The following TXLNB variants were observed in gnomAD, a reference collection of about 807,000 sequenced individuals.
TXLNB encodes taxilin beta.
TXLNB carries 37 observed loss-of-function variants against 57.4 expected under a neutral mutation model. The observed-to-expected ratio is 0.64, with a 90% CI of 0.50 to 0.85. The LOEUF (loss-of-function observed/expected upper bound fraction) is 0.85. TXLNB is among the 40% of genes least tolerant of loss of function. TXLNB has a pLI of 0.00. For missense variants in TXLNB, 848 were observed against 825.6 expected, an observed-to-expected ratio of 1.03 and a Z score of -0.33; for synonymous variants, 302 against 309.6, an observed-to-expected ratio of 0.98 and a Z score of 0.26.
Position 139,288,796 on chromosome 6 carries a change from C to A in TXLNB, c.104G>T (p.Gly35Val), listed in dbSNP as rs747166996. Residue 35 changes from glycine to valine, a missense_variant, in exon 2 of 10, where the codon GGC becomes GTC. Physicochemically the swap from Gly to Val is moderately radical, Grantham distance 109. Transcript: ENST00000358430. The part of the protein sequence containing the change: ...PSHNGLEKED[G>V]QDSPTPVQPP... ...TTGGACTGGGGTTGGAGAATCCTGG[C>A]CATCTTCCTTCTCCAGGCCATTGTG... 5.6e-6 allele frequency: 9 copies of A among 1,614,090 alleles called. No individual in the cohort carries two copies. In the Admixed American group the frequency reaches 8.3e-5, roughly 15 times the overall value.
intron 4 of TXLNB, among the ~76,000 whole-genome samples, chr6:139,267,319 A>C (rs1052579316): frequency 6.6e-6 from 1 of 152,210 alleles, no homozygotes; most frequent in Non-Finnish European, 1.5e-5. Context: ...AAGTATATAA[A>C]TATAATACAT....
chr6:139,294,508 G>T (rs1777355868), upstream of TXLNB, among the ~76,000 whole-genome samples: 1 of 148,386 alleles, frequency 6.7e-6, no homozygotes. Context: ...GAAGTGATTA[G>T]ATTATGAGGG....
At position 139,247,937 on chromosome 6, in the gene TXLNB, T is replaced by G. The variant is rs754109360; in HGVS notation, c.1078-28A>C. On this transcript the variant is annotated intron_variant, in intron 7 of 9. Coordinates refer to ENST00000358430, the MANE Select transcript of TXLNB (RefSeq NM_153235.4). Reference sequence around the variant, plus strand: ...GTAAACAGAGGAAAGAGTGGATCTTTCAGAATACTTCCAGAAGAAAACATG... The same window carrying G: ...GTAAACAGAGGAAAGAGTGGATCTTGCAGAATACTTCCAGAAGAAAACATG... 3.0e-6 allele frequency: 4 copies of G among 1,336,914 alleles called. No individual in the cohort carries two copies. The African/African-American group carries it at 5.9e-5, about 20-fold the overall frequency. The allele number at this position is 1,336,914 out of a possible 1,614,324, so 82.8% of individuals were successfully genotyped here.
the TXLNB span, among the ~76,000 whole-genome samples, chr6:139,317,601 G>A: frequency 1.5e-4 from 23 of 152,036 alleles, no homozygotes; most frequent in Non-Finnish European, 2.8e-4. Flanking sequence ...GGGTTTCACC[G>A]TGTTAGCCAG....
chr6:139,217,013 GAAATA>G, the TXLNB span, among the ~76,000 whole-genome samples: 1 of 152,062 alleles, frequency 6.6e-6, no homozygotes, highest in African/African-American at 2.4e-5. Flanking sequence ...AAAAACTATT[GAAATA>G]AAATAAAAAT....
the TXLNB span, among the ~76,000 whole-genome samples, chr6:139,200,929 C>G: frequency 3.3e-5 from 5 of 152,100 alleles, no homozygotes. Flanking sequence ...GGTCATTTTA[C>G]CTTCCTGGTC....
the TXLNB span, among the ~76,000 whole-genome samples, chr6:139,192,957 C>T: frequency 8.6e-5 from 13 of 150,890 alleles, no homozygotes; most frequent in East Asian, 1.5e-3. Context: ...AGCAAGACTC[C>T]GTCTCAAAAA....
At chr6:139,310,398 T>A in the TXLNB span, among the ~76,000 whole-genome samples, 2 of 152,236 alleles carry the variant, frequency 1.3e-5, no homozygotes, top group Admixed American at 6.5e-5. Flanking sequence ...TCACTAATCA[T>A]AAGGAATGAC....
chr6:139,200,101 A>C, the TXLNB span: 7 of 152,146 alleles, frequency 4.6e-5, no homozygotes, highest in African/African-American at 1.7e-4. Flanking sequence ...ACTCCTTTGA[A>C]GGCCATCCTT....
chr6:139,247,719 G>C, intron 8 of TXLNB, 98 bp downstream of exon 8: 1 of 803,550 alleles, frequency 1.2e-6, no homozygotes, highest in Non-Finnish European at 2.0e-6. Context: ...TTTGTGAAAT[G>C]CACCAAAATA....
chr6:139,272,897 A>AG (rs775268519), intron 3 of TXLNB, among the ~76,000 whole-genome samples: 9 of 151,926 alleles, frequency 5.9e-5, no homozygotes, highest in Non-Finnish European at 1.0e-4. Flanking sequence ...AGCTGAGCCT[A>AG]GGGGCGGGTG....
the TXLNB span, among the ~76,000 whole-genome samples, chr6:139,234,879 A>G: frequency 1.3e-5 from 2 of 152,242 alleles, no homozygotes; most frequent in Admixed American, 6.5e-5. Context: ...ACTCAATGCT[A>G]GCCCATGAAA....
the TXLNB span, among the ~76,000 whole-genome samples, chr6:139,316,567 T>C: frequency 2.6e-5 from 4 of 152,372 alleles, no homozygotes; most frequent in South Asian, 6.2e-4. Context: ...CAAGACCCTG[T>C]TGCAGTGGTC....
the TXLNB span, chr6:139,170,410 T>G: frequency 6.6e-6 from 1 of 152,232 alleles, no homozygotes; most frequent in East Asian, 1.9e-4. Flanking sequence ...CTGGATATGA[T>G]GTACATTAAG....
rs1165262367 is a variant in TXLNB at position 139,283,943 on chromosome 6, G to C, written c.424+4533C>G. ...AAAATTCTCTAAGAGGTCCAAATAG[G>C]TTATAAAAGGAGACCACAGCCAGAT... On this transcript the variant is annotated intron_variant, in intron 2 of 9. Transcript: ENST00000358430. Among the ~76,000 whole-genome samples the C allele has an allele frequency of 8.9e-5, 13 of 145,878 alleles. 1 individual carries two copies. Among genetic ancestry groups the C allele is most frequent in the Admixed American group, 2.0e-4 (3 of 14,836 alleles).
At chr6:139,160,493 A>G in the TXLNB span, among the ~76,000 whole-genome samples, 74 of 152,344 alleles carry the variant, frequency 4.9e-4, 1 homozygote, top group African/African-American at 1.6e-3. Flanking sequence ...GGCTCACTGC[A>G]GCCTCAATTT....
chr6:139,280,984 G>A (rs1777033041), intron 2 of TXLNB, among the ~76,000 whole-genome samples: 1 of 152,140 alleles, frequency 6.6e-6, no homozygotes, highest in Admixed American at 6.5e-5. Flanking sequence ...AATTCACACT[G>A]GATTAAGGAT....
the TXLNB span, among the ~76,000 whole-genome samples, chr6:139,318,193 C>T: frequency 6.8e-6 from 1 of 146,534 alleles, no homozygotes; most frequent in African/African-American, 2.5e-5. Flanking sequence ...TGGCGTGAAC[C>T]TGGGAGGCAG....
rs149767863 is a variant in TXLNB, at chr6:139,271,550, G to A, written c.517-924C>T. On this transcript the variant is annotated intron_variant, in intron 3 of 9. Coordinates refer to ENST00000358430, the MANE Select transcript of TXLNB (RefSeq NM_153235.4). ...AAATAAATAAGAAATAATTTTTAGC[G>A]TAAGTATTAATATATTCCAAATATT... is the stretch of plus-strand genomic sequence containing the variant. The A allele has an allele frequency of 1.2e-3, 176 of 152,016 alleles. 3 individuals carry two copies. The highest frequency in any genetic ancestry group is 9.0e-3 in the Admixed American group (138 of 15,290). 9.4% of individuals were successfully genotyped at this position (152,016 alleles called of 1,614,324 possible).
Sources: gnomAD v4.1 joint callset for allele counts (sites outside exome capture counted in the v4.1 genomes callset) on GRCh38, gnomAD v4.1.1 for gene constraint, MANE v1.5 for transcripts, NCBI Gene and HGNC (gene_info 2026-07-23, HGNC 2026-07-21) for gene names.